The following LIMS4 variants were observed in gnomAD, a reference collection of about 807,000 sequenced individuals.
The protein encoded by LIMS4 is LIM zinc finger domain containing 4.
the LIMS4 span, among the ~76,000 whole-genome samples, chr2:110,378,907 T>C: frequency 7.0e-6 from 1 of 143,742 alleles, no homozygotes; most frequent in African/African-American, 2.9e-5. Context: ...TGCAAACCTT[T>C]ATAAGAAATA....
At chr2:110,379,113 C>T in the LIMS4 span, among the ~76,000 whole-genome samples, 2 of 149,684 alleles carry the variant, frequency 1.3e-5, no homozygotes, top group African/African-American at 2.5e-5. Context: ...TAATGTTGGC[C>T]CACTAAACAG....
chr2:110,387,871 T>G, the LIMS4 span: 1 of 151,986 alleles, frequency 6.6e-6, no homozygotes, highest in South Asian at 2.1e-4. Flanking sequence ...GACTCTGTTT[T>G]GGGCCACATC....
At chr2:110,397,577 G>A in the LIMS4 span, 1 of 91,056 alleles carries the variant, frequency 1.1e-5, no homozygotes, top group Non-Finnish European at 2.3e-5. Flanking sequence ...GTTCCACAAT[G>A]CATATAAGGC....
chr2:110,368,099 C>A, the LIMS4 span, among the ~76,000 whole-genome samples: 1 of 145,596 alleles, frequency 6.9e-6, no homozygotes, highest in Non-Finnish European at 1.5e-5. Context: ...AATCTCTCTG[C>A]CATTTTGGGC....
At chr2:110,365,887 T>G in the LIMS4 span, among the ~76,000 whole-genome samples, 2 of 147,294 alleles carry the variant, frequency 1.4e-5, no homozygotes, top group Admixed American at 6.7e-5. Context: ...TCTGAGACCA[T>G]TATGAACACC....
chr2:110,366,773 A>T, the LIMS4 span, among the ~76,000 whole-genome samples: 2 of 151,952 alleles, frequency 1.3e-5, no homozygotes, highest in East Asian at 3.8e-4. Context: ...AGATAACATG[A>T]TTTTATACCT....
the LIMS4 span, among the ~76,000 whole-genome samples, chr2:110,407,630 A>T: frequency 7.1e-6 from 1 of 141,202 alleles, no homozygotes; most frequent in Non-Finnish European, 1.6e-5. Flanking sequence ...AAAAAAAAAA[A>T]AAATTCAGCC....
At chr2:110,390,729 CTCAT>C in the LIMS4 span, among the ~76,000 whole-genome samples, 1 of 150,100 alleles carries the variant, frequency 6.7e-6, no homozygotes, top group Non-Finnish European at 1.5e-5. Flanking sequence ...CTCTCATTTA[CTCAT>C]TCAGTCTTGA....
At chr2:110,425,713 C>G in the LIMS4 span, among the ~76,000 whole-genome samples, 1 of 140,776 alleles carries the variant, frequency 7.1e-6, no homozygotes, top group Non-Finnish European at 1.5e-5. Flanking sequence ...ATGAAGAGAA[C>G]TGCAAGGAAC....
chr2:110,396,074 T>C, the LIMS4 span, among the ~76,000 whole-genome samples: 4 of 129,468 alleles, frequency 3.1e-5, no homozygotes, highest in African/African-American at 1.4e-4. Context: ...AAGGCAGGGC[T>C]GATGGGTTGG....
chr2:110,367,720 A>C, the LIMS4 span, among the ~76,000 whole-genome samples: 1 of 147,346 alleles, frequency 6.8e-6, no homozygotes, highest in Non-Finnish European at 1.5e-5. Flanking sequence ...TTACCAAAAA[A>C]AATACGAAGA....
chr2:110,392,369 G>T, the LIMS4 span, among the ~76,000 whole-genome samples: 3 of 150,986 alleles, frequency 2.0e-5, no homozygotes, highest in African/African-American at 4.9e-5. Flanking sequence ...AACCTGGGAG[G>T]CAGAGCTTGC....
At chr2:110,453,308 C>T (rs1574285998) in intron 5 of LIMS4, among the ~76,000 whole-genome samples, 1 of 35,816 alleles carries the variant, frequency 2.8e-5, no homozygotes, top group East Asian at 6.8e-4. Flanking sequence ...CCCACCACCA[C>T]GCCTGGCTAA....
At chr2:110,442,827 T>C (rs1265468832), downstream of LIMS4, among the ~76,000 whole-genome samples, 1 of 151,246 alleles carries the variant, frequency 6.6e-6, no homozygotes, top group Non-Finnish European at 1.5e-5. Flanking sequence ...GCCTCCTGAG[T>C]AGTTGGGACT....
the LIMS4 span, among the ~76,000 whole-genome samples, chr2:110,424,993 C>G: frequency 6.9e-6 from 1 of 144,128 alleles, no homozygotes; most frequent in Non-Finnish European, 1.5e-5. Flanking sequence ...GCAGCGACAA[C>G]TGCTTGGGTC....
the LIMS4 span, among the ~76,000 whole-genome samples, chr2:110,373,658 G>A: frequency 6.6e-6 from 1 of 151,598 alleles, no homozygotes; most frequent in Non-Finnish European, 1.5e-5. Context: ...CAGTCACAGG[G>A]CTGGTCAGCA....
the LIMS4 span, among the ~76,000 whole-genome samples, chr2:110,415,235 A>AT: frequency 9.7e-4 from 125 of 129,270 alleles, 35 homozygotes; most frequent in African/African-American, 4.5e-3. Flanking sequence ...CCTCTTTATC[A>AT]TTTTTTATTG....
At chr2:110,418,465 G>A in the LIMS4 span, among the ~76,000 whole-genome samples, 1 of 6,978 alleles carries the variant, frequency 1.4e-4, no homozygotes, top group Non-Finnish European at 2.3e-4. Flanking sequence ...GAAATCACCC[G>A]TCTTCTGCAT....
At chr2:110,371,795 G>A in the LIMS4 span, among the ~76,000 whole-genome samples, 5 of 143,000 alleles carry the variant, frequency 3.5e-5, 1 homozygote, top group Non-Finnish European at 6.0e-5. Context: ...GGCCTGAAGA[G>A]CACCTGAATG....
Sources: gnomAD v4.1 joint callset for allele counts (sites outside exome capture counted in the v4.1 genomes callset) on GRCh38, gnomAD v4.1.1 for gene constraint, MANE v1.5 for transcripts, NCBI Gene and HGNC (gene_info 2026-07-23, HGNC 2026-07-21) for gene names.